NUBPL: variants seen among roughly 807,000 people sequenced by gnomAD.
The protein encoded by NUBPL is NUBP iron-sulfur cluster assembly factor, mitochondrial.
In NUBPL, 31 loss-of-function variants were observed where a neutral mutation model predicts 45.7. The observed-to-expected ratio is 0.68, with a 90% CI of 0.51 to 0.92. NUBPL has a LOEUF of 0.92. NUBPL is among the 40% of genes least tolerant of loss of function. NUBPL has a pLI of 0.00. For missense variants in NUBPL, 401 were observed against 398.7 expected, an observed-to-expected ratio of 1.01 and a Z score of -0.05; for synonymous variants, 144 against 140.9, an observed-to-expected ratio of 1.02 and a Z score of -0.15.
intron 4 of NUBPL, among the ~76,000 whole-genome samples, chr14:31,632,090 G>A (rs1281740721): frequency 6.6e-6 from 1 of 152,120 alleles, no homozygotes; most frequent in African/African-American, 2.4e-5. Context: ...CATTTTGACG[G>A]TTGTTTCCTG....
intron 4 of NUBPL, among the ~76,000 whole-genome samples, chr14:31,672,375 A>T (rs980598035): frequency 5.3e-5 from 8 of 152,022 alleles, no homozygotes; most frequent in Non-Finnish European, 2.9e-5. Flanking sequence ...ATGTTTATGT[A>T]TCTTTGTATA....
chr14:31,693,218 T>C (rs1489907216), intron 6 of NUBPL, among the ~76,000 whole-genome samples: 1 of 152,176 alleles, frequency 6.6e-6, no homozygotes. Context: ...TATTAGTAGT[T>C]GTAAGGCATC....
At chr14:31,844,686 A>G (rs539057121) in intron 8 of NUBPL, 25 of 152,352 alleles carry the variant, frequency 1.6e-4, no homozygotes, top group African/African-American at 5.8e-4. Flanking sequence ...ATTGTGGACT[A>G]TCAGTACTGT....
At chr14:31,708,431 G>T (rs571822929) in intron 6 of NUBPL, among the ~76,000 whole-genome samples, 2 of 152,250 alleles carry the variant, frequency 1.3e-5, no homozygotes, top group South Asian at 4.1e-4. Context: ...GACAACAAAT[G>T]GGTAACTTGT....
chr14:31,760,486 C>A (rs2138725165), intron 6 of NUBPL, among the ~76,000 whole-genome samples: 1 of 152,126 alleles, frequency 6.6e-6, no homozygotes, highest in East Asian at 1.9e-4. Context: ...ACCAACACTC[C>A]CCCATTCTTC....
At chr14:31,592,126 C>G (rs1048515213) in intron 3 of NUBPL, among the ~76,000 whole-genome samples, 1 of 152,072 alleles carries the variant, frequency 6.6e-6, no homozygotes, top group Non-Finnish European at 1.5e-5. Flanking sequence ...TGAGAGTAGA[C>G]TGTGTGACTA....
chr14:31,612,844 G>C (rs2034797178), intron 4 of NUBPL, among the ~76,000 whole-genome samples: 1 of 152,120 alleles, frequency 6.6e-6, no homozygotes, highest in South Asian at 2.1e-4. Flanking sequence ...TATACTGTTG[G>C]TGTACATAGT....
chr14:31,610,834 G>A (rs753531341), intron 4 of NUBPL, among the ~76,000 whole-genome samples: 1 of 152,186 alleles, frequency 6.6e-6, no homozygotes. Flanking sequence ...GAAACCATAT[G>A]ATCATTTCAC....
chr14:31,743,028 A>G (rs1248831281), intron 6 of NUBPL, among the ~76,000 whole-genome samples: 1 of 152,084 alleles, frequency 6.6e-6, no homozygotes, highest in African/African-American at 2.4e-5. Context: ...ATTTCAGGGT[A>G]TTACTTTGAT....
At chr14:31,797,989 T>G (rs966441689) in intron 7 of NUBPL, among the ~76,000 whole-genome samples, 19 of 147,750 alleles carry the variant, frequency 1.3e-4, no homozygotes, top group African/African-American at 2.8e-4. Context: ...CTCCTTCACT[T>G]ATGAAGCTTA....
chr14:31,798,559 G>A (rs183054254), intron 7 of NUBPL, among the ~76,000 whole-genome samples: 23 of 151,554 alleles, frequency 1.5e-4, no homozygotes, highest in African/African-American at 5.3e-4. Context: ...TTGAGAGGCC[G>A]AGGCGGGTGG....
chr14:31,818,154 C>T (rs971581492), intron 7 of NUBPL, among the ~76,000 whole-genome samples: 1 of 152,086 alleles, frequency 6.6e-6, no homozygotes, highest in Admixed American at 6.5e-5. Flanking sequence ...TAAAGGAGCA[C>T]CCAGATTCAT....
chr14:31,680,307 G>T (rs2036800242), intron 6 of NUBPL, among the ~76,000 whole-genome samples: 1 of 152,020 alleles, frequency 6.6e-6, no homozygotes, highest in African/African-American at 2.4e-5. Flanking sequence ...CCTTTATCCT[G>T]ATTTTGGTGG....
chr14:31,728,210 T>G (rs2037968988), intron 6 of NUBPL, among the ~76,000 whole-genome samples: 1 of 152,084 alleles, frequency 6.6e-6, no homozygotes, highest in Non-Finnish European at 1.5e-5. Flanking sequence ...TGCTTTTTAC[T>G]TGATATTTAT....
chr14:31,801,099 A>G (rs2039580223), intron 7 of NUBPL: 1 of 152,354 alleles, frequency 6.6e-6, no homozygotes. Context: ...TGCTGGAGCC[A>G]TGGAAAAGGG....
intron 6 of NUBPL, among the ~76,000 whole-genome samples, chr14:31,685,940 A>G (rs563427647): frequency 6.6e-6 from 1 of 152,186 alleles, no homozygotes; most frequent in Non-Finnish European, 1.5e-5. Context: ...TGGCCAAGGA[A>G]TTCACATTTT....
At chr14:31,610,381 C>G in intron 4 of NUBPL, among the ~76,000 whole-genome samples, 1 of 151,680 alleles carries the variant, frequency 6.6e-6, no homozygotes, top group East Asian at 1.9e-4. Flanking sequence ...TCTTCCTAAA[C>G]TTAAACAGAC....
intron 7 of NUBPL, among the ~76,000 whole-genome samples, chr14:31,825,649 T>C (rs914701379): frequency 1.3e-5 from 2 of 150,406 alleles, no homozygotes; most frequent in Non-Finnish European, 3.0e-5. Flanking sequence ...TCTTTCTCCT[T>C]TCCTTTTTCC....
At chr14:31,726,393 G>A (rs1437572913) in intron 6 of NUBPL, among the ~76,000 whole-genome samples, 6 of 152,184 alleles carry the variant, frequency 3.9e-5, no homozygotes, top group South Asian at 2.1e-4. Flanking sequence ...ATCCAAGGGT[G>A]AAAACTACTG....
Sources: gnomAD v4.1 joint callset for allele counts (sites outside exome capture counted in the v4.1 genomes callset) on GRCh38, gnomAD v4.1.1 for gene constraint, MANE v1.5 for transcripts, NCBI Gene and HGNC (gene_info 2026-07-23, HGNC 2026-07-21) for gene names.